TARS1: variants seen among roughly 807,000 people sequenced by gnomAD.
TARS1 encodes the protein threonine--tRNA ligase 1, cytoplasmic.
In TARS1, 57 loss-of-function variants were observed where a neutral mutation model predicts 97.7. The observed-to-expected ratio is 0.58, with a 90% confidence interval of 0.47 to 0.73. The LOEUF (loss-of-function observed/expected upper bound fraction) is 0.73. Among genes scored for constraint, TARS1 ranks in the 30% least tolerant of loss-of-function variants. The pLI, the probability that TARS1 is intolerant of heterozygous loss-of-function variation, is 0.00. For missense variants in TARS1, 806 were observed against 888.3 expected (o/e 0.91, Z 1.18); for synonymous variants, 312 against 293.7 (o/e 1.06, Z -0.64).
chr5:33,455,012 G>A lies in TARS1; in HGVS notation c.521G>A (p.Cys174Tyr). Residue 174 changes from cysteine to tyrosine, a missense_variant, in exon 5 of 19, where the codon TGC becomes TAC. Physicochemically the swap from Cys to Tyr is radical, Grantham distance 194. This residue lies in a region of TARS1 where 356 missense variants were observed against 357.8 expected (regional missense o/e 0.99). Coordinates refer to ENST00000265112, the MANE Select transcript of TARS1 (RefSeq NM_152295.5). ...AMERVYGGCL[C>Y]YGPPIENGFY... ...GAAAGAGTCTATGGTGGATGTTTAT[G>A]CTACGGTCCGCCAATAGAAAATGGA... 1 of 1,613,786 alleles carries A rather than the reference G, an allele frequency of 6.2e-7. No individual in the cohort carries two copies. Among genetic ancestry groups the A allele is most frequent in the Non-Finnish European group, 8.5e-7 (1 of 1,179,878 alleles).
intron 17 of TARS1, 193 bp from the exon 18 acceptor site, chr5:33,466,678 T>G (rs1261457431): frequency 2.4e-6 from 1 of 416,970 alleles, no homozygotes; most frequent in Non-Finnish European, 4.4e-6. Context: ...TGACCTGAGG[T>G]AATAAAGAGG....
At chr5:33,444,397 TGTATG>T (rs1175200476) in intron 1 of TARS1, among the ~76,000 whole-genome samples, 3 of 152,216 alleles carry the variant, frequency 2.0e-5, no homozygotes, top group Admixed American at 6.5e-5. Context: ...ATGGGTAACT[TGTATG>T]GTATATGAAT....
chr5:33,467,130 A>G lies in TARS1; in HGVS notation c.2023+145A>G, dbSNP rs73758555. 0.02 allele frequency: 6,167 copies of G among 311,762 alleles called. 390 individuals are homozygous for G. Among genetic ancestry groups the G allele is most frequent in the African/African-American group, 0.13 (5,728 of 45,590 alleles). The allele number at this position is 311,762 out of a possible 1,614,324, so 19.3% of individuals were successfully genotyped here. A position where few individuals can be genotyped will look rare whatever the true frequency, so the allele number is the denominator to read the frequency against. The stretch of plus-strand genomic sequence containing the variant: ...TTTTTTCTATTATATATTTTAATAT[A>G]TAATAACTATAAAAATAGGCTCATG... On this transcript the variant is annotated intron_variant, in intron 18 of 18. Coordinates refer to ENST00000265112, the MANE Select transcript of TARS1 (RefSeq NM_152295.5).
In TARS1 at chr5:33,460,938, A is replaced by G. The variant is rs540151148; in HGVS notation, c.1287A>G (p.Glu429=). ...MFDHRPRSWR[E]LPLRLADFGV... ...ATCATCGGCCAAGGTCCTGGCGAGA[A>G]CTGCCTCTGCGGCTAGCTGATTTTG... Residue 429 remains glutamate (E), a synonymous_variant, in exon 12 of 19, where the codon GAA becomes GAG. Transcript: ENST00000265112. 6.2e-7 allele frequency: 1 copy of G among 1,614,142 alleles called. No individual in the cohort carries two copies. The highest frequency in any genetic ancestry group is 1.7e-5 in the Admixed American group (1 of 60,010).
intron 4 of TARS1, 142 bp downstream of exon 4, chr5:33,453,554 A>T: frequency 8.7e-7 from 1 of 1,146,028 alleles, no homozygotes; most frequent in East Asian, 2.5e-5. Flanking sequence ...TTTGTCCTTC[A>T]TTTAGGGAAC....
At chr5:33,467,534 G>A in intron 18 of TARS1, 26 bp from the exon 19 acceptor site, 1 of 1,604,330 alleles carries the variant, frequency 6.2e-7, no homozygotes. Flanking sequence ...GATTAAGTCT[G>A]ACAAAGCTTT....
Position 33,453,420 on chromosome 5 carries a change from G to C in TARS1, c.453+8G>C. 1 of 1,612,880 alleles carries C rather than the reference G, an allele frequency of 6.2e-7. No homozygotes were observed. Among genetic ancestry groups the C allele is most frequent in the African/African-American group, 1.3e-5 (1 of 74,970 alleles). On this transcript the variant is annotated splice_region_variant and intron_variant, in intron 4 of 18. Transcript: ENST00000265112. Reference sequence around the variant, plus strand: ...GATGAGGAAGCTCAGGCAGTAAGTTGCTGATTAGTATTCATTGAATTTTAG... The same window carrying C: ...GATGAGGAAGCTCAGGCAGTAAGTTCCTGATTAGTATTCATTGAATTTTAG...
chr5:33,455,889 T>C (rs1741990986), intron 6 of TARS1, 113 bp from the exon 7 acceptor site: 3 of 1,035,404 alleles, frequency 2.9e-6, no homozygotes, highest in Non-Finnish European at 4.2e-6. Context: ...AACATGTTTT[T>C]AAAACATGAA....
chr5:33,440,850 C>T (rs1741046004), upstream of TARS1: 1 of 561,402 alleles, frequency 1.8e-6, no homozygotes, highest in Non-Finnish European at 3.2e-6. Context: ...CCTAGAAGGG[C>T]TCTGTCACCC....
chr5:33,459,987 A>T, intron 11 of TARS1, 126 bp downstream of exon 11: 3 of 1,042,666 alleles, frequency 2.9e-6, no homozygotes, highest in Non-Finnish European at 4.1e-6. Flanking sequence ...TTTAAACGCA[A>T]CATCTTTGTA....
chr5:33,441,398 G>A, intron 1 of TARS1: 1 of 505,062 alleles, frequency 2.0e-6, no homozygotes, highest in Non-Finnish European at 3.6e-6. Flanking sequence ...TTGAGTGAGC[G>A]ACTTGTTCAG....
chr5:33,445,597 GT>G (rs1741374504), intron 2 of TARS1, among the ~76,000 whole-genome samples, 193 bp downstream of exon 2: 1 of 152,232 alleles, frequency 6.6e-6, no homozygotes, highest in Admixed American at 6.5e-5. Flanking sequence ...AGTTGTTACT[GT>G]AAAAGGAAGC....
At position 33,454,938 on chromosome 5, in the gene TARS1, T is replaced by G. The variant is rs767896937; in HGVS notation, c.454-7T>G. The G allele has an allele frequency of 5.6e-6, 9 of 1,612,298 alleles. No homozygotes were observed. In the East Asian group the frequency reaches 2.0e-4, roughly 36 times the overall value. On this transcript the variant is annotated splice_polypyrimidine_tract_variant and splice_region_variant and intron_variant, in intron 4 of 18. Coordinates refer to ENST00000265112, the MANE Select transcript of TARS1 (RefSeq NM_152295.5). ...TCAGACCATGCCATTTTTCTTTAAA[T>G]TTTCAGGTGTATTGGCACTCTAGTG...
At position 33,456,010 on chromosome 5, in the gene TARS1, G is replaced by T. The variant is rs1281063815; in HGVS notation, c.702G>T (p.Lys234Asn). 1.2e-6 allele frequency: 2 copies of T among 1,613,566 alleles called. No individual in the cohort carries two copies. The highest frequency in any genetic ancestry group is 1.7e-6 in the Non-Finnish European group (2 of 1,179,846). ...ETLLAMFKYNKFKCRILNEKV... is the reference protein window; with the variant it reads ...ETLLAMFKYNNFKCRILNEKV... ...ATTTTTCCTGTTTTCAGTACAACAA[G>T]TTCAAATGCCGGATATTGAATGAAA... is the stretch of plus-strand genomic sequence containing the variant. The change falls in exon 7 of 19, where the codon AAG becomes AAT. Residue 234 changes from lysine (K) to asparagine (N), a missense_variant. Physicochemically the swap from Lys to Asn is moderately conservative, Grantham distance 94 (BLOSUM62 0). Coordinates refer to ENST00000265112, the MANE Select transcript of TARS1 (RefSeq NM_152295.5).
intron 11 of TARS1, chr5:33,460,071 C>T (rs534097896): frequency 2.2e-5 from 10 of 458,532 alleles, no homozygotes; most frequent in African/African-American, 1.4e-4. Flanking sequence ...AACTGGAGTG[C>T]AGGTATGCGA....
chr5:33,464,059 G>A (rs904339206), intron 17 of TARS1, among the ~76,000 whole-genome samples: 5 of 152,052 alleles, frequency 3.3e-5, no homozygotes, highest in Non-Finnish European at 7.4e-5. Context: ...ATATTTTATT[G>A]TATTTGTTTT....
At chr5:33,449,522 C>T (rs1424887584) in intron 3 of TARS1, among the ~76,000 whole-genome samples, 5 of 124,196 alleles carry the variant, frequency 4.0e-5, no homozygotes, top group African/African-American at 1.5e-4. Context: ...GTGGCGCGAT[C>T]TTGGCTCACT....
chr5:33,443,306 C>CTCTCTCTCTCT lies in TARS1; in HGVS notation c.58-2018_58-2017insTCTCTCTCTCT, dbSNP rs1561066108. On this transcript the variant is annotated intron_variant, in intron 1 of 18. Transcript: ENST00000265112. Reference sequence around the variant, plus strand: ...AACCAGAAAACCTTTGTGGTGATTCCCTCTCTCTCTCTCCCTCTCTCTCTC... The same window carrying CTCTCTCTCTCT: ...AACCAGAAAACCTTTGTGGTGATTCCTCTCTCTCTCTCTCTCTCTCTCTCCCTCTCTCTCTC... 7.0e-5 allele frequency among the ~76,000 whole-genome samples: 6 copies of CTCTCTCTCTCT among 85,512 alleles called. No individual in the cohort carries two copies. In the East Asian group the frequency reaches 1.9e-3, roughly 27 times the overall value. 56.1% of individuals were successfully genotyped at this position (85,512 alleles called of 152,430 possible). A position where few individuals can be genotyped will look rare whatever the true frequency, so the allele number is the denominator to read the frequency against.
intron 2 of TARS1, among the ~76,000 whole-genome samples, chr5:33,447,358 T>C (rs1741469378): frequency 6.6e-6 from 1 of 152,202 alleles, no homozygotes; most frequent in Non-Finnish European, 1.5e-5. Flanking sequence ...GCAATTCTTA[T>C]GCCTCAGCCC....
Sources: gnomAD v4.1 joint callset for allele counts (sites outside exome capture counted in the v4.1 genomes callset) on GRCh38, gnomAD v4.1.1 for gene constraint, gnomAD v4.1.1 regional missense constraint, MANE v1.5 for transcripts, NCBI Gene and HGNC (gene_info 2026-07-23, HGNC 2026-07-21) for gene names.